The following ENTPD1 variants were observed in gnomAD, a reference collection of about 807,000 sequenced individuals.
The protein encoded by ENTPD1 is ATP diphosphohydrolase.
ENTPD1 carries 33 observed loss-of-function variants against 57.0 expected under a neutral mutation model. That is an observed-to-expected ratio of 0.58 (90% CI 0.44 to 0.77). The LOEUF (loss-of-function observed/expected upper bound fraction) is 0.77, where lower values mean the gene tolerates loss of function less well. Ranked by LOEUF, ENTPD1 falls within the 30% of genes least tolerant of loss-of-function variation. ENTPD1 has a pLI of 0.00. For synonymous variants in ENTPD1, 202 were observed against 218.8 expected (o/e 0.92, Z 0.68); for missense variants, 501 against 603.4 (o/e 0.83, Z 1.78).
chr10:95,839,822 C>T lies in ENTPD1; in HGVS notation c.262+14C>T. 1.2e-6 allele frequency: 2 copies of T among 1,612,830 alleles called. No individual in the cohort carries two copies. Among genetic ancestry groups the T allele is most frequent in the East Asian group, 2.2e-5 (1 of 44,846 alleles). On this transcript the variant is annotated intron_variant, in intron 3 of 9. Transcript: ENST00000371205. ...GCAGGGTTAAAGGTAAGATGAAGAC[C>T]AAGGGAAGGGGAGGCCAACAGTGGG...
chr10:95,755,410 T>C, upstream of ENTPD1: 1 of 363,304 alleles, frequency 2.8e-6, no homozygotes, highest in Non-Finnish European at 5.0e-6. Flanking sequence ...ATAATTTTGT[T>C]ACACAGTTTA....
At chr10:95,768,897 C>G (rs1237684833) in intron 1 of ENTPD1, among the ~76,000 whole-genome samples, 1 of 152,150 alleles carries the variant, frequency 6.6e-6, no homozygotes, top group Non-Finnish European at 1.5e-5. Context: ...TGTTTTTCAC[C>G]TTATCCTAAA....
At chr10:95,835,968 T>C (rs760446405) in intron 2 of ENTPD1, among the ~76,000 whole-genome samples, 13 of 152,212 alleles carry the variant, frequency 8.5e-5, no homozygotes, top group Non-Finnish European at 1.6e-4. Flanking sequence ...GTCTTACAGT[T>C]ATGTGTTTAT....
At chr10:95,800,641 C>G (rs1210232071) in intron 1 of ENTPD1, among the ~76,000 whole-genome samples, 1 of 152,134 alleles carries the variant, frequency 6.6e-6, no homozygotes, top group Non-Finnish European at 1.5e-5. Flanking sequence ...GGAATGCATT[C>G]CTTCCCCAGG....
chr10:95,867,650 T>G lies in ENTPD1; in HGVS notation c.*1267T>G. On this transcript the variant is annotated 3_prime_UTR_variant, in exon 10 of 10. Transcript: ENST00000371205. ...GAAGCAGCAGCTATAGACCTTACCA[T>G]GGAAACATGAAGAGACCCTGCACCC... The G allele has an allele frequency of 1.0e-6, 1 of 985,430 alleles. No individual in the cohort carries two copies. The highest frequency in any genetic ancestry group is 1.2e-6 in the Non-Finnish European group (1 of 829,948). The allele number at this position is 985,430 out of a possible 1,614,324, so 61.0% of individuals were successfully genotyped here.
chr10:95,834,078 C>T (rs1415557047), intron 2 of ENTPD1, among the ~76,000 whole-genome samples: 1 of 152,158 alleles, frequency 6.6e-6, no homozygotes, highest in Non-Finnish European at 1.5e-5. Flanking sequence ...TCCAGTGGTA[C>T]TACTTTATAT....
chr10:95,872,428 A>C lies in ENTPD1; in HGVS notation c.*6045A>C, dbSNP rs1295352703. ...GCCAGGTAGAATGACTGTTCACCCA[A>C]CACCACTCAGGTTGTCTTCTCAACT... On this transcript the variant is annotated 3_prime_UTR_variant, in exon 10 of 10. Transcript: ENST00000371205. The C allele has an allele frequency of 1.0e-6, 1 of 985,240 alleles. No individual in the cohort carries two copies. Among genetic ancestry groups the C allele is most frequent in the Non-Finnish European group, 1.2e-6 (1 of 829,912 alleles). 61.0% of individuals were successfully genotyped at this position (985,240 alleles called of 1,614,324 possible).
intron 1 of ENTPD1, among the ~76,000 whole-genome samples, chr10:95,763,106 G>A (rs893436496): frequency 4.0e-5 from 6 of 151,426 alleles, no homozygotes; most frequent in African/African-American, 1.5e-4. Flanking sequence ...ATTTATTTTT[G>A]TTATGACGGG....
chr10:95,876,216 A>G lies in ENTPD1; in HGVS notation c.*9833A>G. ...TATATTTATAAATACTCCTATAAAA[A>G]TGTAAAGAAACACATAATGTAGATT... On this transcript the variant is annotated 3_prime_UTR_variant, in exon 10 of 10. Coordinates refer to ENST00000371205, the MANE Select transcript of ENTPD1 (RefSeq NM_001776.6). 3.1e-6 allele frequency: 3 copies of G among 978,350 alleles called. No homozygotes were observed. Among genetic ancestry groups the G allele is most frequent in the Non-Finnish European group, 3.6e-6 (3 of 823,484 alleles). 60.6% of individuals were successfully genotyped at this position (978,350 alleles called of 1,614,324 possible). A position where few individuals can be genotyped will look rare whatever the true frequency, so the allele number is the denominator to read the frequency against.
At chr10:95,756,384 C>G in intron 1 of ENTPD1, 129 bp downstream of exon 1, 1 of 1,059,792 alleles carries the variant, frequency 9.4e-7, no homozygotes, top group South Asian at 1.5e-5. Context: ...TTCCCACCCT[C>G]TTCCTTCTGA....
Position 95,870,890 on chromosome 10 carries a change from G to C in ENTPD1, c.*4507G>C, listed in dbSNP as rs1277677482. 1.0e-6 allele frequency: 1 copy of C among 985,280 alleles called. No individual in the cohort carries two copies. Among genetic ancestry groups the C allele is most frequent in the Non-Finnish European group, 1.2e-6 (1 of 829,928 alleles). The allele number at this position is 985,280 out of a possible 1,614,324, so 61.0% of individuals were successfully genotyped here. A position where few individuals can be genotyped will look rare whatever the true frequency, so the allele number is the denominator to read the frequency against. On this transcript the variant is annotated 3_prime_UTR_variant, in exon 10 of 10. Transcript: ENST00000371205. ...TAAACATTGATTTTCATGTTTGTGA[G>C]TCTGCAAGCCAGCTGGGCAGCTCTA... is the stretch of plus-strand genomic sequence containing the variant.
At chr10:95,798,365 A>T (rs2098235167) in intron 1 of ENTPD1, among the ~76,000 whole-genome samples, 1 of 152,164 alleles carries the variant, frequency 6.6e-6, no homozygotes. Context: ...AGAGAAAGTC[A>T]AGTAATAAGA....
intron 1 of ENTPD1, among the ~76,000 whole-genome samples, chr10:95,798,595 C>T (rs777364656): frequency 8.5e-5 from 13 of 152,278 alleles, no homozygotes; most frequent in Non-Finnish European, 1.6e-4. Flanking sequence ...AAGCCATTCC[C>T]AGAGGTCAGT....
At chr10:95,715,096 CTTTTTGA>C (rs1349819458) in intron 1 of ENTPD1, among the ~76,000 whole-genome samples, 1 of 152,090 alleles carries the variant, frequency 6.6e-6, no homozygotes, top group Non-Finnish European at 1.5e-5. Context: ...CTTGTTATGC[CTTTTTGA>C]TTTCTCCTGG....
At chr10:95,822,709 C>A (rs1231207478) in intron 1 of ENTPD1, among the ~76,000 whole-genome samples, 1 of 152,158 alleles carries the variant, frequency 6.6e-6, no homozygotes, top group Non-Finnish European at 1.5e-5. Flanking sequence ...ATGTTCAAGA[C>A]TCCTCAGCCT....
chr10:95,828,470 A>G (rs180740806), intron 2 of ENTPD1, among the ~76,000 whole-genome samples: 394 of 152,286 alleles, frequency 2.6e-3, no homozygotes, highest in African/African-American at 8.5e-3. Context: ...CACTTGAATC[A>G]TCCCAAAACC....
chr10:95,865,831 G>A (rs937517015), intron 9 of ENTPD1, among the ~76,000 whole-genome samples: 6 of 152,182 alleles, frequency 3.9e-5, no homozygotes, highest in African/African-American at 1.4e-4. Flanking sequence ...GCAGTGGTAT[G>A]ATCACAGCTC....
rs368856010 is a variant in ENTPD1, at chr10:95,823,244, C to T, written c.24C>T (p.Asn8=). 567 of 1,613,944 alleles carry T rather than the reference C, an allele frequency of 3.5e-4. No individual in the cohort carries two copies. The highest frequency in any genetic ancestry group is 4.7e-4 in the Non-Finnish European group (550 of 1,179,958). MEDTKES[N]VKTFCSKNIL... ...TTCTGCTTTTGGTTTTAGAGTCTAA[C>T]GTGAAGACATTTTGCTCCAAGAATA... Residue 8 remains asparagine, a synonymous_variant, in exon 2 of 10, where the codon AAC becomes AAT. Transcript: ENST00000371205.
At chr10:95,768,526 C>T (rs576418694) in intron 1 of ENTPD1, among the ~76,000 whole-genome samples, 1 of 130,762 alleles carries the variant, frequency 7.6e-6, no homozygotes, top group African/African-American at 2.8e-5. Context: ...CTTTCTTTCT[C>T]CTTCCTTCTT....
Sources: gnomAD v4.1 joint callset for allele counts (sites outside exome capture counted in the v4.1 genomes callset) on GRCh38, gnomAD v4.1.1 for gene constraint, MANE v1.5 for transcripts, NCBI Gene and HGNC (gene_info 2026-07-23, HGNC 2026-07-21) for gene names.